The following RANBP17 variants were observed in gnomAD, a reference collection of about 807,000 sequenced individuals.
RANBP17 encodes the protein RAN binding protein 17.
In RANBP17, 158 loss-of-function variants were observed where a neutral mutation model predicts 141.2. The observed-to-expected ratio is 1.12, with a 90% CI of 0.98 to 1.28. RANBP17 has a LOEUF of 1.28. Ranked by LOEUF, RANBP17 falls within the 50% of genes most tolerant of loss-of-function variation. The pLI is 0.00. For synonymous variants in RANBP17, 430 were observed against 450.0 expected, an observed-to-expected ratio of 0.96 and a Z score of 0.56; for missense variants, 1,438 against 1,290.7, an observed-to-expected ratio of 1.11 and a Z score of -1.75.
At chr5:171,076,728 G>T in intron 14 of RANBP17, among the ~76,000 whole-genome samples, 1 of 152,222 alleles carries the variant, frequency 6.6e-6, no homozygotes, top group Admixed American at 6.5e-5. Context: ...ATGTAGAAAA[G>T]TCTCTGTTGA....
At chr5:171,261,924 C>T (rs552107443) in intron 24 of RANBP17, among the ~76,000 whole-genome samples, 111 of 152,300 alleles carry the variant, frequency 7.3e-4, no homozygotes, top group Non-Finnish European at 1.4e-3. Context: ...CCTTATGATT[C>T]CACACTTTAA....
chr5:170,911,464 A>G (rs1439616847), intron 7 of RANBP17: 1 of 666,846 alleles, frequency 1.5e-6, no homozygotes, highest in African/African-American at 1.8e-5. Context: ...CACTCTGTTT[A>G]TGATCATTTT....
At chr5:171,136,424 T>C (rs905931933) in intron 14 of RANBP17, among the ~76,000 whole-genome samples, 1 of 152,094 alleles carries the variant, frequency 6.6e-6, no homozygotes, top group African/African-American at 2.4e-5. Flanking sequence ...TCTTTTCTTT[T>C]CTTTTCTTGA....
intron 14 of RANBP17, among the ~76,000 whole-genome samples, chr5:171,122,196 G>A (rs1756088121): frequency 6.6e-6 from 1 of 152,152 alleles, no homozygotes; most frequent in Admixed American, 6.5e-5. Context: ...AGTCACCACA[G>A]GTCTGTCTGC....
intron 18 of RANBP17, among the ~76,000 whole-genome samples, chr5:171,191,726 T>C (rs1561749087): frequency 6.6e-6 from 1 of 151,818 alleles, no homozygotes. Flanking sequence ...TTCATAGAGA[T>C]TAAATGACCT....
At chr5:171,068,792 T>C (rs1784460299) in intron 14 of RANBP17, among the ~76,000 whole-genome samples, 1 of 152,156 alleles carries the variant, frequency 6.6e-6, no homozygotes, top group South Asian at 2.1e-4. Flanking sequence ...GATTTCACCA[T>C]GTCGGCCAAG....
intron 24 of RANBP17, among the ~76,000 whole-genome samples, chr5:171,263,513 A>G (rs1201926500): frequency 1.3e-5 from 2 of 152,238 alleles, no homozygotes; most frequent in Non-Finnish European, 2.9e-5. Flanking sequence ...TACAAAGGAG[A>G]TAATAAATGG....
Position 170,865,304 on chromosome 5 carries a change from C to T in RANBP17, c.18+3253C>T, listed in dbSNP as rs192723742. On this transcript the variant is annotated intron_variant, in intron 1 of 27. Transcript: ENST00000523189. ...CCTCGAATTCCTGACCTCAGGTGAT[C>T]CGCCCACTTCGGCCTCCCAAAGTGC... 2.6e-5 allele frequency among the ~76,000 whole-genome samples: 4 copies of T among 152,274 alleles called. No homozygotes were observed. The East Asian group carries it at 7.7e-4, about 29-fold the overall frequency.
chr5:170,903,571 G>T, intron 5 of RANBP17: 1 of 241,616 alleles, frequency 4.1e-6, no homozygotes, highest in Non-Finnish European at 9.2e-6. Context: ...ATTCCCAGAA[G>T]TATGTAGATT....
chr5:171,214,932 G>A (rs1763125043), intron 21 of RANBP17, among the ~76,000 whole-genome samples: 1 of 152,018 alleles, frequency 6.6e-6, no homozygotes, highest in Non-Finnish European at 1.5e-5. Flanking sequence ...TGCAGAACAT[G>A]CAGGTTTGTT....
intron 14 of RANBP17, among the ~76,000 whole-genome samples, chr5:171,062,496 C>T (rs1273762469): frequency 6.6e-6 from 1 of 152,200 alleles, no homozygotes; most frequent in East Asian, 1.9e-4. Flanking sequence ...CCCCCACTCT[C>T]TTCTGGCTTG....
At chr5:171,074,109 A>G (rs935428679) in intron 14 of RANBP17, among the ~76,000 whole-genome samples, 2 of 152,182 alleles carry the variant, frequency 1.3e-5, no homozygotes, top group African/African-American at 2.4e-5. Context: ...GAATAACTTT[A>G]TAGTTAGGAA....
intron 12 of RANBP17, among the ~76,000 whole-genome samples, chr5:170,930,946 A>G (rs904334862): frequency 1.3e-5 from 2 of 152,170 alleles, no homozygotes; most frequent in African/African-American, 4.8e-5. Context: ...TGACTGGGTC[A>G]AATGTTATTT....
At chr5:171,142,555 G>A (rs951152013) in intron 14 of RANBP17, among the ~76,000 whole-genome samples, 2 of 152,136 alleles carry the variant, frequency 1.3e-5, no homozygotes, top group African/African-American at 4.8e-5. Context: ...ATTCAAGTTT[G>A]GGATATATTC....
intron 12 of RANBP17, among the ~76,000 whole-genome samples, chr5:170,938,729 C>G (rs1319356847): frequency 1.3e-5 from 2 of 151,960 alleles, no homozygotes; most frequent in Admixed American, 1.3e-4. Context: ...AAAGAGTTGG[C>G]TAACTGGCAG....
intron 25 of RANBP17, among the ~76,000 whole-genome samples, chr5:171,291,472 C>T (rs1768490143): frequency 6.6e-6 from 1 of 152,196 alleles, no homozygotes; most frequent in Admixed American, 6.5e-5. Context: ...GCTCACGCAG[C>T]CATTCCTTGT....
chr5:171,074,241 A>AT (rs1784786816), intron 14 of RANBP17, among the ~76,000 whole-genome samples: 1 of 152,182 alleles, frequency 6.6e-6, no homozygotes, highest in Non-Finnish European at 1.5e-5. Flanking sequence ...ATGAGAACAT[A>AT]TTAAAACTCA....
Position 171,295,873 on chromosome 5 carries a change from C to G in RANBP17, c.3043-14C>G. The G allele has an allele frequency of 6.2e-7, 1 of 1,611,604 alleles. No individual in the cohort carries two copies. The highest frequency in any genetic ancestry group is 1.1e-5 in the South Asian group (1 of 90,804). ...TTGGAGTCGGAGCTCTGACACTATT[C>G]TGTCTCCCATCAGTATTTCAGTGAA... On this transcript the variant is annotated splice_polypyrimidine_tract_variant and intron_variant, in intron 26 of 27. Transcript: ENST00000523189.
chr5:171,166,041 C>A (rs1759668529), intron 14 of RANBP17, among the ~76,000 whole-genome samples: 1 of 151,992 alleles, frequency 6.6e-6, no homozygotes, highest in Non-Finnish European at 1.5e-5. Flanking sequence ...ACATTTTAAC[C>A]ATATATTCTT....
Sources: allele counts gnomAD v4.1 joint callset (sites outside exome capture counted in the v4.1 genomes callset), GRCh38; gene constraint gnomAD v4.1.1; transcripts MANE v1.5; gene names NCBI Gene and HGNC (gene_info 2026-07-23, HGNC 2026-07-21).